IFI27: variants seen among roughly 807,000 people sequenced by gnomAD.
IFI27 encodes interferon alpha-inducible protein 27, mitochondrial.
IFI27 carries 3 observed loss-of-function variants against 8.9 expected under a neutral mutation model. The observed-to-expected ratio is 0.34, with a 90% CI of 0.15 to 0.87. IFI27 has a LOEUF of 0.87. Among genes scored for constraint, IFI27 ranks in the 40% least tolerant of loss-of-function variants. The pLI, the probability that IFI27 is intolerant of heterozygous loss-of-function variation, is 0.51. For synonymous variants in IFI27, 66 were observed against 67.3 expected, an observed-to-expected ratio of 0.98 and a Z score of 0.09; for missense variants, 152 against 157.7, an observed-to-expected ratio of 0.96 and a Z score of 0.19.
intron 3 of IFI27, chr14:94,115,188 G>T: frequency 1.5e-6 from 1 of 654,436 alleles, no homozygotes; most frequent in South Asian, 1.5e-5. Context: ...CTGAGCTCCT[G>T]TTTCCTCTCC....
At position 94,115,915 on chromosome 14, in the gene IFI27, A is replaced by G. The variant is rs974888341; in HGVS notation, c.256A>G (p.Ser86Gly). 3 of 1,589,442 alleles carry G rather than the reference A, an allele frequency of 1.9e-6. No individual in the cohort carries two copies. The African/African-American group carries it at 4.0e-5, about 21-fold the overall frequency. Reference sequence around the variant, plus strand: ...CAATGGGGGTGGAGTTGCCTCGGGCAGCCTTGTGGCTACTCTGCAGTCACT... The same window carrying G: ...CAATGGGGGTGGAGTTGCCTCGGGCGGCCTTGTGGCTACTCTGCAGTCACT... The change falls in exon 4 of 5, where the codon AGC (serine) becomes GGC (glycine). Residue 86 changes from serine to glycine, a missense_variant. By Grantham distance (56) the Ser-to-Gly change is moderately conservative. Coordinates refer to ENST00000621160, the Ensembl canonical transcript of IFI27.
At chr14:94,114,745 C>A (rs1887322795) in intron 2 of IFI27, 106 bp from the exon 3 acceptor site, 1 of 1,226,556 alleles carries the variant, frequency 8.2e-7, no homozygotes, top group African/African-American at 1.5e-5. Context: ...TCTTGTGGCT[C>A]CCAACCTGGG....
chr14:94,109,317 G>T (rs1175007892), upstream of IFI27, among the ~76,000 whole-genome samples: 2 of 131,628 alleles, frequency 1.5e-5, no homozygotes, highest in African/African-American at 5.4e-5. Flanking sequence ...AAAAAGAAAG[G>T]AAAGGGAGGG....
chr14:94,113,725 C>A (rs144302425), intron 2 of IFI27: 6 of 152,356 alleles, frequency 3.9e-5, no homozygotes, highest in African/African-American at 1.4e-4. Flanking sequence ...AACTTGACAT[C>A]ACCTCTCTTG....
chr14:94,115,507 C>T (rs1887355328), intron 3 of IFI27: 2 of 606,450 alleles, frequency 3.3e-6, no homozygotes, highest in Admixed American at 5.3e-5. Context: ...GACACTGAGG[C>T]TCTGAGGACA....
rs755620880 is a variant in IFI27 at position 94,111,804 on chromosome 14, G to T, written c.91+31G>T. The stretch of plus-strand genomic sequence containing the variant: ...TGTTCCTGGGAGGGGCTGGTGCTGG[G>T]GGCGAGGAGGCGGCTGGGAAGGGCG... On this transcript the variant is annotated intron_variant, in intron 2 of 4. Coordinates refer to ENST00000621160, the Ensembl canonical transcript of IFI27. This position sits in a 1 kb window ranked among gnomAD's most constrained non-coding sequence, Gnocchi z 4.3. 5 of 1,558,130 alleles carry T rather than the reference G, an allele frequency of 3.2e-6. No homozygotes were observed. The highest frequency in any genetic ancestry group is 2.7e-6 in the Non-Finnish European group (3 of 1,129,140).
At chr14:94,106,279 G>A (rs1382550436), upstream of IFI27, among the ~76,000 whole-genome samples, 1 of 152,176 alleles carries the variant, frequency 6.6e-6, no homozygotes, top group Non-Finnish European at 1.5e-5. Context: ...CGAATTTGGC[G>A]GGGCCGTGGC....
At position 94,116,596 on chromosome 14, in the gene IFI27, A is replaced by G; in HGVS notation, c.*69A>G. ...AGAAGGCACCCAGCCATCCTGACCC[A>G]GCGAGGAGCCAACTATCCCAAATAT... On this transcript the variant is annotated 3_prime_UTR_variant, in exon 5 of 5. Coordinates refer to ENST00000621160, the Ensembl canonical transcript of IFI27. This position sits in a 1 kb window ranked among gnomAD's most constrained non-coding sequence, Gnocchi z 4.3. The G allele has an allele frequency of 1.7e-6, 2 of 1,208,670 alleles. No individual in the cohort carries two copies. The highest frequency in any genetic ancestry group is 1.3e-5 in the South Asian group (1 of 78,390). The allele number at this position is 1,208,670 out of a possible 1,614,324, so 74.9% of individuals were successfully genotyped here.
chr14:94,108,530 A>G (rs936755362), upstream of IFI27, among the ~76,000 whole-genome samples: 5 of 152,216 alleles, frequency 3.3e-5, no homozygotes, highest in African/African-American at 1.2e-4. Flanking sequence ...TGTCACATAC[A>G]TACATTCATA....
At chr14:94,113,131 G>A (rs1448831839) in intron 2 of IFI27, 1 of 152,212 alleles carries the variant, frequency 6.6e-6, no homozygotes, top group Non-Finnish European at 1.5e-5. Context: ...TTGTCCAAGT[G>A]CTCTGGGCAG....
rs1460247075 is a variant in IFI27, at chr14:94,116,342, C to A, written c.284-100C>A. The A allele has an allele frequency of 2.5e-6, 2 of 812,344 alleles. No homozygotes were observed. Among genetic ancestry groups the A allele is most frequent in the South Asian group, 1.5e-5 (1 of 67,898 alleles). The allele number at this position is 812,344 out of a possible 1,614,324, so 50.3% of individuals were successfully genotyped here. A position where few individuals can be genotyped will look rare whatever the true frequency, so the allele number is the denominator to read the frequency against. On this transcript the variant is annotated intron_variant, in intron 4 of 4. Coordinates refer to ENST00000621160, the Ensembl canonical transcript of IFI27. This position sits in a 1 kb window ranked among gnomAD's most constrained non-coding sequence, Gnocchi z 4.3. ...ACTGGGTGGGGTCTGTAAGCCTCAGCCCCTGCTGAGGGTCACTGGAGTCTC... is the reference window on the plus strand; with the variant it reads ...ACTGGGTGGGGTCTGTAAGCCTCAGACCCTGCTGAGGGTCACTGGAGTCTC...
rs370109756 is a variant in IFI27 at position 94,111,632 on chromosome 14, T to G, written c.-51T>G. On this transcript the variant is annotated 5_prime_UTR_variant, in exon 2 of 5. Coordinates refer to ENST00000621160, the Ensembl canonical transcript of IFI27. The surrounding 1 kb of genome is among the most constrained non-coding windows in gnomAD (Gnocchi z 4.3). ...GCTCCATCCCTTCGGCAGGTCTGGCTGAAGTTGAGGATCTCTTACTCTCTA... is the reference window on the plus strand; with the variant it reads ...GCTCCATCCCTTCGGCAGGTCTGGCGGAAGTTGAGGATCTCTTACTCTCTA... 2 of 1,484,868 alleles carry G rather than the reference T, an allele frequency of 1.3e-6. No individual in the cohort carries two copies. Among genetic ancestry groups the G allele is most frequent in the Non-Finnish European group, 1.9e-6 (2 of 1,062,558 alleles). The allele number at this position is 1,484,868 out of a possible 1,614,324, so 92.0% of individuals were successfully genotyped here. A position where few individuals can be genotyped will look rare whatever the true frequency, so the allele number is the denominator to read the frequency against.
upstream of IFI27, among the ~76,000 whole-genome samples, chr14:94,108,595 G>A (rs549674002): frequency 5.3e-5 from 8 of 152,128 alleles, no homozygotes; most frequent in Non-Finnish European, 1.2e-4. Flanking sequence ...GCTGCACAGG[G>A]GCGTGTGGAT....
At chr14:94,112,922 A>G (rs1887247175) in intron 2 of IFI27, 1 of 152,272 alleles carries the variant, frequency 6.6e-6, no homozygotes, top group Non-Finnish European at 1.5e-5. Context: ...TCTGTTTGTC[A>G]GAAATGCAGA....
upstream of IFI27, among the ~76,000 whole-genome samples, chr14:94,107,065 TTTA>T (rs562384942): frequency 4.6e-5 from 7 of 151,818 alleles, no homozygotes; most frequent in African/African-American, 4.8e-5. Flanking sequence ...ATATATATCA[TTTA>T]TTATTATTAT....
Position 94,111,705 on chromosome 14 carries a change from C to T in IFI27, c.23C>T (p.Ser8Leu). The T allele has an allele frequency of 1.9e-6, 3 of 1,614,192 alleles. No homozygotes were observed. Among genetic ancestry groups the T allele is most frequent in the Middle Eastern group, 1.6e-4 (1 of 6,062 alleles). ...GGCATGGAGGCCTCTGCTCTCACCT[C>T]ATCAGCAGTGACCAGTGTGGCCAAA... Residue 8 changes from serine to leucine, a missense_variant, in exon 2 of 5, where the codon TCA becomes TTA. Transcript: ENST00000621160. This position sits in a 1 kb window ranked among gnomAD's most constrained non-coding sequence, Gnocchi z 4.3.
rs1054439075 is a variant in IFI27, at chr14:94,116,244, C to T, written c.284-198C>T. ...AGGCTGCTTCTAGCTCTGGAGTTCA[C>T]CATGGGGGTTCATGCCTGCAGCAGC... On this transcript the variant is annotated intron_variant, in intron 4 of 4. Transcript: ENST00000621160. This position sits in a 1 kb window ranked among gnomAD's most constrained non-coding sequence, Gnocchi z 4.3. The T allele has an allele frequency of 3.1e-6, 2 of 650,062 alleles. No homozygotes were observed. The highest frequency in any genetic ancestry group is 1.8e-5 in the African/African-American group (1 of 55,700). The allele number at this position is 650,062 out of a possible 1,614,324, so 40.3% of individuals were successfully genotyped here. A position where few individuals can be genotyped will look rare whatever the true frequency, so the allele number is the denominator to read the frequency against.
intron 3 of IFI27, chr14:94,115,233 G>C (rs948653339): frequency 1.7e-6 from 1 of 598,158 alleles, no homozygotes; most frequent in South Asian, 1.5e-5. Context: ...TCAGGGTTAT[G>C]GTCAGGATTG....
upstream of IFI27, among the ~76,000 whole-genome samples, chr14:94,107,091 T>C (rs552224008): frequency 6.6e-6 from 1 of 152,166 alleles, no homozygotes; most frequent in East Asian, 1.9e-4. Flanking sequence ...TTATTTCAGA[T>C]GGTGTTTCAC....
Sources: gnomAD v4.1 joint callset for allele counts (sites outside exome capture counted in the v4.1 genomes callset) on GRCh38, gnomAD v4.1.1 for gene constraint, Gnocchi (gnomAD v3.1) non-coding constraint, MANE v1.5 for transcripts, NCBI Gene and HGNC (gene_info 2026-07-23, HGNC 2026-07-21) for gene names.